MTRF1: variants seen among roughly 807,000 people sequenced by gnomAD.
MTRF1 encodes mitochondrial translation release factor 1, also known as peptide chain release factor 1, mitochondrial.
In MTRF1, 51 loss-of-function variants were observed where a neutral mutation model predicts 62.9. The ratio of observed to expected loss-of-function variants is 0.81; its 90% CI spans 0.65 to 1.02. MTRF1 has a LOEUF of 1.02. MTRF1 is among the 50% of genes least tolerant of loss of function. The pLI is 0.00. For synonymous variants in MTRF1, 158 were observed against 181.9 expected (o/e 0.87, Z 1.06); for missense variants, 446 against 530.0 (o/e 0.84, Z 1.56).
chr13:41,246,445 G>A (rs1389987406), intron 5 of MTRF1, among the ~76,000 whole-genome samples: 2 of 152,116 alleles, frequency 1.3e-5, no homozygotes, highest in Admixed American at 6.6e-5. Context: ...AAGTCAGCAT[G>A]TTAGACAAAA....
the MTRF1 span, among the ~76,000 whole-genome samples, chr13:41,273,219 G>A: frequency 5.3e-5 from 8 of 152,002 alleles, no homozygotes; most frequent in African/African-American, 1.2e-4. Context: ...CCAGTTGCTC[G>A]GGAGCCCGAG....
chr13:41,276,749 G>T, the MTRF1 span, among the ~76,000 whole-genome samples: 1 of 152,160 alleles, frequency 6.6e-6, no homozygotes, highest in Non-Finnish European at 1.5e-5. Context: ...CCTCCAGGCT[G>T]GGGGAGGAGA....
the MTRF1 span, among the ~76,000 whole-genome samples, chr13:41,272,950 C>T: frequency 1.3e-5 from 2 of 152,072 alleles, no homozygotes; most frequent in Non-Finnish European, 2.9e-5. Context: ...TGCTCCCAGA[C>T]CTCAGCAAAT....
At chr13:41,233,800 G>T (rs1566090462) in intron 7 of MTRF1, 90 bp downstream of exon 7, 3 of 991,538 alleles carry the variant, frequency 3.0e-6, no homozygotes, top group Non-Finnish European at 4.8e-6. Context: ...GCTGTGCAAG[G>T]AACCAGACAC....
intron 5 of MTRF1, among the ~76,000 whole-genome samples, chr13:41,240,668 T>A (rs73473150): frequency 0.029 from 4,394 of 152,262 alleles, 215 homozygotes; most frequent in African/African-American, 0.1. Context: ...TACCAAAATG[T>A]AATTAATTAT....
At chr13:41,293,490 A>G in the MTRF1 span, among the ~76,000 whole-genome samples, 1 of 152,216 alleles carries the variant, frequency 6.6e-6, no homozygotes, top group South Asian at 2.1e-4. Flanking sequence ...CAAAGGTTAT[A>G]AAAGTATAAA....
the MTRF1 span, among the ~76,000 whole-genome samples, chr13:41,273,118 A>T: frequency 1.3e-5 from 2 of 152,116 alleles, no homozygotes; most frequent in South Asian, 2.1e-4. Flanking sequence ...CGAGGTCAGG[A>T]GATCGAGACC....
chr13:41,300,950 A>G, the MTRF1 span, among the ~76,000 whole-genome samples: 1 of 152,168 alleles, frequency 6.6e-6, no homozygotes, highest in African/African-American at 2.4e-5. Context: ...TGGGCCTGAT[A>G]TATTTTGCAT....
chr13:41,304,975 A>G, the MTRF1 span, among the ~76,000 whole-genome samples: 188 of 152,358 alleles, frequency 1.2e-3, 1 homozygote, highest in African/African-American at 3.7e-3. Flanking sequence ...TGAACTGGTG[A>G]TATTTCAGAA....
At chr13:41,221,156 CTT>C (rs373390151) in intron 9 of MTRF1, among the ~76,000 whole-genome samples, 7 of 140,736 alleles carry the variant, frequency 5.0e-5, no homozygotes, top group Non-Finnish European at 6.2e-5. Context: ...GTTATTCACT[CTT>C]TTTTTTTTTT....
intron 6 of MTRF1, chr13:41,235,763 T>G (rs181926254): frequency 6.2e-6 from 1 of 162,070 alleles, no homozygotes; most frequent in East Asian, 1.8e-4. Flanking sequence ...TGTGAAATAA[T>G]AAGTTACTGC....
the MTRF1 span, among the ~76,000 whole-genome samples, chr13:41,295,105 A>C: frequency 1.3e-5 from 2 of 152,182 alleles, no homozygotes; most frequent in African/African-American, 4.8e-5. Flanking sequence ...TCCCTGGGAA[A>C]GGTACATCTT....
chr13:41,297,095 C>T, the MTRF1 span, among the ~76,000 whole-genome samples: 3 of 152,230 alleles, frequency 2.0e-5, no homozygotes, highest in South Asian at 6.2e-4. Context: ...AAAAGACTGA[C>T]TCATTCATGA....
intron 9 of MTRF1, among the ~76,000 whole-genome samples, chr13:41,222,677 G>A (rs1436127712): frequency 2.0e-5 from 3 of 152,206 alleles, no homozygotes; most frequent in African/African-American, 4.8e-5. Flanking sequence ...GTATTTACGC[G>A]CTGAAAAGCA....
At chr13:41,294,711 G>A in the MTRF1 span, among the ~76,000 whole-genome samples, 1 of 152,112 alleles carries the variant, frequency 6.6e-6, no homozygotes, top group Non-Finnish European at 1.5e-5. Context: ...GGATAAAGCA[G>A]AAATTTCAAG....
chr13:41,300,372 G>A, the MTRF1 span, among the ~76,000 whole-genome samples: 1 of 152,202 alleles, frequency 6.6e-6, no homozygotes, highest in Non-Finnish European at 1.5e-5. Context: ...GGATCACAAG[G>A]TCAGGAAATC....
chr13:41,295,107 G>A, the MTRF1 span, among the ~76,000 whole-genome samples: 1 of 152,110 alleles, frequency 6.6e-6, no homozygotes, highest in Non-Finnish European at 1.5e-5. Flanking sequence ...CCTGGGAAAG[G>A]TACATCTTTT....
chr13:41,247,494 G>T (rs1199280956), intron 5 of MTRF1, among the ~76,000 whole-genome samples: 1 of 152,174 alleles, frequency 6.6e-6, no homozygotes. Context: ...TTCACTGCCT[G>T]GTTAAGCTTT....
the MTRF1 span, among the ~76,000 whole-genome samples, chr13:41,307,998 G>A: frequency 2.0e-5 from 3 of 152,090 alleles, no homozygotes; most frequent in African/African-American, 7.2e-5. Context: ...GCGTGACTGC[G>A]CTTCCCTGGG....
Sources: gnomAD v4.1 joint callset for allele counts (sites outside exome capture counted in the v4.1 genomes callset) on GRCh38, gnomAD v4.1.1 for gene constraint, MANE v1.5 for transcripts, NCBI Gene and HGNC (gene_info 2026-07-23, HGNC 2026-07-21) for gene names.